IGSF9: variants seen among roughly 807,000 people sequenced by gnomAD.
IGSF9 encodes the protein immunoglobulin superfamily member 9.
A neutral mutation model predicts 121.7 loss-of-function variants in IGSF9; 87 were observed. That is an observed-to-expected ratio of 0.71 (90% CI 0.60 to 0.85). The LOEUF (loss-of-function observed/expected upper bound fraction) is 0.85, where lower values mean the gene tolerates loss of function less well. Among genes scored for constraint, IGSF9 ranks in the 40% least tolerant of loss-of-function variants. IGSF9 has a pLI of 0.00. For synonymous variants in IGSF9, 640 were observed against 648.4 expected (o/e 0.99, Z 0.20); for missense variants, 1,462 against 1,565.3 (o/e 0.93, Z 1.11).
In IGSF9 at chr1:159,932,859, C is replaced by T. The variant is rs2101877522; in HGVS notation, c.1105-207G>A. On this transcript the variant is annotated intron_variant, in intron 9 of 20. Transcript: ENST00000368094. This position sits in a 1 kb window ranked among gnomAD's most constrained non-coding sequence, Gnocchi z 4.1. The stretch of plus-strand genomic sequence containing the variant: ...CCCTCCCAATAGTGTGAGGCTGTGA[C>T]TGCACAACTCCAGGGGGTGCCACTC... The T allele has an allele frequency of 9.3e-6, 5 of 538,896 alleles. No homozygotes were observed. The East Asian group carries it at 1.6e-4, about 18-fold the overall frequency. The allele number at this position is 538,896 out of a possible 1,614,324, so 33.4% of individuals were successfully genotyped here.
chr1:159,933,111 A>C (rs1651057672), intron 9 of IGSF9: 1 of 156,042 alleles, frequency 6.4e-6, no homozygotes, highest in Non-Finnish European at 1.4e-5. Context: ...TAAGCCAGTC[A>C]TCCTGGGAAG....
At chr1:159,936,161 G>A (rs1651175555) in intron 6 of IGSF9, among the ~76,000 whole-genome samples, 1 of 152,176 alleles carries the variant, frequency 6.6e-6, no homozygotes, top group African/African-American at 2.4e-5. Context: ...AAGCACCCAT[G>A]TCCTTTCCAC....
At chr1:159,934,104 G>A (rs1651097256) in intron 9 of IGSF9, 86 bp downstream of exon 9, 1 of 1,449,850 alleles carries the variant, frequency 6.9e-7, no homozygotes, top group Non-Finnish European at 9.5e-7. Flanking sequence ...TCACTGAACT[G>A]AATTAAACCG....
At chr1:159,942,763 TGTG>T in intron 3 of IGSF9, among the ~76,000 whole-genome samples, 197 bp downstream of exon 3, 1 of 152,052 alleles carries the variant, frequency 6.6e-6, no homozygotes, top group Non-Finnish European at 1.5e-5. Context: ...TGTGTGTGTG[TGTG>T]TGTAAATGAA....
At chr1:159,929,506 G>C in intron 17 of IGSF9, 113 bp from the exon 18 acceptor site, 1 of 1,497,406 alleles carries the variant, frequency 6.7e-7, no homozygotes, top group Non-Finnish European at 9.1e-7. Context: ...AAAAGCGTAG[G>C]CAGGACCAGA....
chr1:159,929,044 C>G, intron 18 of IGSF9, 26 bp from the exon 19 acceptor site: 3 of 1,511,442 alleles, frequency 2.0e-6, no homozygotes, highest in Non-Finnish European at 2.7e-6. Flanking sequence ...AGATCAGGGT[C>G]TGTGGTAGGG....
At position 159,927,137 on chromosome 1, in the gene IGSF9, C is replaced by T. The variant is rs547572170; in HGVS notation, c.*208G>A. 1 of 570,722 alleles carries T rather than the reference C, an allele frequency of 1.8e-6. No individual in the cohort carries two copies. The highest frequency in any genetic ancestry group is 3.2e-5 in the Admixed American group (1 of 30,968). 35.4% of individuals were successfully genotyped at this position (570,722 alleles called of 1,614,324 possible). On this transcript the variant is annotated 3_prime_UTR_variant, in exon 21 of 21. Transcript: ENST00000368094. Reference sequence around the variant, plus strand: ...AGAGAGAGAGAGAGAGAGAGGCAGACCTAAGATCCCTGTTCCAATCCCCAG... The same window carrying T: ...AGAGAGAGAGAGAGAGAGAGGCAGATCTAAGATCCCTGTTCCAATCCCCAG...
At chr1:159,942,295 C>T (rs988149571) in intron 3 of IGSF9, among the ~76,000 whole-genome samples, 5 of 152,188 alleles carry the variant, frequency 3.3e-5, no homozygotes, top group African/African-American at 1.2e-4. Context: ...GATTTTAAGT[C>T]CCAACAGGTG....
chr1:159,929,626 G>A lies in IGSF9; in HGVS notation c.2326+12C>T. On this transcript the variant is annotated intron_variant, in intron 17 of 20. Transcript: ENST00000368094. ...AGTGCGCAGTAGCAGGGCTGAGGGT[G>A]GAGGGACTTACCTTGGCGGAGGCGC... 1 of 1,590,940 alleles carries A rather than the reference G, an allele frequency of 6.3e-7. No individual in the cohort carries two copies. Among genetic ancestry groups the A allele is most frequent in the Non-Finnish European group, 8.5e-7 (1 of 1,169,972 alleles).
intron 20 of IGSF9, 80 bp downstream of exon 20, chr1:159,927,680 G>A (rs1398955255): frequency 6.4e-7 from 1 of 1,562,712 alleles, no homozygotes; most frequent in African/African-American, 1.4e-5. Flanking sequence ...GGCCTGACTG[G>A]GAATAGATGG....
intron 3 of IGSF9, among the ~76,000 whole-genome samples, chr1:159,941,923 C>G (rs1416855090): frequency 2.0e-5 from 3 of 152,238 alleles, no homozygotes; most frequent in African/African-American, 4.8e-5. Flanking sequence ...AGAAACTTCC[C>G]TTCTGCATCA....
At chr1:159,927,968 C>T (rs186868373) in intron 19 of IGSF9, 81 bp from the exon 20 acceptor site, 21,871 of 1,535,642 alleles carry the variant, frequency 0.014, 527 homozygotes, top group South Asian at 0.092. Context: ...ATTCAGCGAC[C>T]GCAAACTCAC....
intron 6 of IGSF9, among the ~76,000 whole-genome samples, chr1:159,935,952 T>G (rs1410841619): frequency 6.6e-6 from 1 of 152,214 alleles, no homozygotes; most frequent in African/African-American, 2.4e-5. Context: ...ATAGGCTCTA[T>G]GAAGGCACAG....
Position 159,929,914 on chromosome 1 carries a change from T to C in IGSF9, c.2126A>G (p.Asn709Ser), listed in dbSNP as rs761248889. 1.2e-5 allele frequency: 19 copies of C among 1,577,042 alleles called. No homozygotes were observed. Among genetic ancestry groups the C allele is most frequent in the Middle Eastern group, 1.7e-4 (1 of 6,028 alleles). ...FAGSFVSDPSNTANVSTSGLE... is the reference protein window; with the variant it reads ...FAGSFVSDPSSTANVSTSGLE... The stretch of plus-strand genomic sequence containing the variant: ...ACCGGAAGTGGAGACGTTGGCCGTG[T>C]TGCTGGGGTCGCTGACGAAGCTGCC... Residue 709 changes from asparagine to serine, a missense_variant, in exon 16 of 21, where the codon AAC (asparagine) becomes AGC (serine). Asn to Ser is a conservative substitution (Grantham distance 46, BLOSUM62 1). Transcript: ENST00000368094.
Position 159,943,000 on chromosome 1 carries a change from G to A in IGSF9, c.210C>T (p.Phe70=), listed in dbSNP as rs573559309. Residue 70 remains phenylalanine (F), a synonymous_variant, in exon 3 of 21, where the codon TTC becomes TTT. Coordinates refer to ENST00000368094, the MANE Select transcript of IGSF9 (RefSeq NM_001135050.2). ...GGTCAATTCGGGGAGAGTAGAGGCCGAACTGGATGAAGATGGGAAGCAGGA... is the reference window on the plus strand; with the variant it reads ...GGTCAATTCGGGGAGAGTAGAGGCCAAACTGGATGAAGATGGGAAGCAGGA... ...FGFLLPIFIQ[F]GLYSPRIDPD... 473 of 1,613,560 alleles carry A rather than the reference G, an allele frequency of 2.9e-4. No individual in the cohort carries two copies. Among genetic ancestry groups the A allele is most frequent in the South Asian group, 2.5e-3 (231 of 91,008 alleles).
At position 159,930,343 on chromosome 1, in the gene IGSF9, C is replaced by G. The variant is rs775497673; in HGVS notation, c.1910G>C (p.Arg637Pro). 6.2e-7 allele frequency: 1 copy of G among 1,608,272 alleles called. No homozygotes were observed. The highest frequency in any genetic ancestry group is 1.7e-5 in the Admixed American group (1 of 59,202). Residue 637 changes from arginine to proline, a missense_variant, in exon 15 of 21, where the codon CGG becomes CCG. Physicochemically the swap from Arg to Pro is moderately radical, Grantham distance 103. Around this residue, in one of 3 missense-constraint regions of IGSF9, gnomAD observed 808 missense variants for 815.2 expected, o/e 0.99. Coordinates refer to ENST00000368094, the MANE Select transcript of IGSF9 (RefSeq NM_001135050.2). ...PRGLVAVRTP[R>P]GVLLHWDPPE... ...GGGATCCCAATGCAGGAGTACCCCC[C>G]GGGGTGTCCTCACTGCCACCAGACC...
At chr1:159,941,904 A>G (rs1002742166) in intron 3 of IGSF9, among the ~76,000 whole-genome samples, 2 of 152,152 alleles carry the variant, frequency 1.3e-5, no homozygotes, top group African/African-American at 4.8e-5. Context: ...AACTGCCCCC[A>G]GTTTGAAAAG....
In IGSF9 at chr1:159,934,346, G is replaced by T. The variant is rs1201235898; in HGVS notation, c.962-14C>A. The T allele has an allele frequency of 1.9e-6, 3 of 1,579,246 alleles. No homozygotes were observed. The highest frequency in any genetic ancestry group is 2.6e-6 in the Non-Finnish European group (3 of 1,160,844). ...CCTGGGCTGGGTCTGGGGGAAAGTA[G>T]TGGCAAGTTGGGGGAGAGGGGCTTG... On this transcript the variant is annotated splice_polypyrimidine_tract_variant and intron_variant, in intron 8 of 20. Coordinates refer to ENST00000368094, the MANE Select transcript of IGSF9 (RefSeq NM_001135050.2).
chr1:159,930,455 A>C lies in IGSF9; in HGVS notation c.1814-16T>G. 6.6e-7 allele frequency: 1 copy of C among 1,524,408 alleles called. No individual in the cohort carries two copies. The highest frequency in any genetic ancestry group is 8.8e-7 in the Non-Finnish European group (1 of 1,139,056). 94.4% of individuals were successfully genotyped at this position (1,524,408 alleles called of 1,614,324 possible). On this transcript the variant is annotated splice_polypyrimidine_tract_variant and intron_variant, in intron 14 of 20. Transcript: ENST00000368094. Reference sequence around the variant, plus strand: ...GTAGGAAGCCCTGCGTGGGACAGAAAGGCAGGTCAGAGCAAGGATTCCCAG... The same window carrying C: ...GTAGGAAGCCCTGCGTGGGACAGAACGGCAGGTCAGAGCAAGGATTCCCAG...
Sources: allele counts gnomAD v4.1 joint callset (sites outside exome capture counted in the v4.1 genomes callset), GRCh38; gene constraint gnomAD v4.1.1; regional missense constraint gnomAD v4.1.1; non-coding constraint Gnocchi (gnomAD v3.1); transcripts MANE v1.5; gene names NCBI Gene and HGNC (gene_info 2026-07-23, HGNC 2026-07-21).